Variants in BABAM2 observed in about 807,000 individuals in gnomAD.
The protein encoded by BABAM2 is BRISC and BRCA1-A complex member 2.
A neutral mutation model predicts 54.7 loss-of-function variants in BABAM2; 31 were observed. That is an observed-to-expected ratio of 0.57 (90% CI 0.43 to 0.77). The LOEUF (loss-of-function observed/expected upper bound fraction) is 0.77, where lower values mean the gene tolerates loss of function less well. BABAM2 is among the 30% of genes least tolerant of loss of function. BABAM2 has a pLI of 0.00. For synonymous variants in BABAM2, 167 were observed against 162.9 expected (o/e 1.03, Z -0.19); for missense variants, 364 against 455.8 (o/e 0.80, Z 1.83).
At chr2:28,247,874 C>T (rs2148088359) in intron 10 of BABAM2, among the ~76,000 whole-genome samples, 1 of 152,324 alleles carries the variant, frequency 6.6e-6, no homozygotes, top group Admixed American at 6.5e-5. Flanking sequence ...AAAAGCATTG[C>T]ACAGATTCTG....
In BABAM2 at chr2:28,090,657, G is replaced by A. The variant is rs192180670; in HGVS notation, c.571-38614G>A. On this transcript the variant is annotated intron_variant, in intron 6 of 11. Transcript: ENST00000379624. The stretch of plus-strand genomic sequence containing the variant: ...TGCTTCTAGCTTAGGGTCATTCCCC[G>A]GGGATTATTATACTTCTTTAAGATC... Among the ~76,000 whole-genome samples the A allele has an allele frequency of 1.3e-3, 200 of 152,202 alleles. 2 individuals are homozygous for A. The highest frequency in any genetic ancestry group is 7.8e-4 in the Non-Finnish European group (53 of 68,016).
At chr2:28,140,518 A>G (rs1278223758) in intron 7 of BABAM2, among the ~76,000 whole-genome samples, 1 of 152,218 alleles carries the variant, frequency 6.6e-6, no homozygotes. Flanking sequence ...TATCACAAAG[A>G]GTAAATTTTA....
intron 4 of BABAM2, among the ~76,000 whole-genome samples, chr2:28,002,203 T>C (rs1343406606): frequency 1.3e-5 from 2 of 152,206 alleles, no homozygotes; most frequent in East Asian, 3.8e-4. Flanking sequence ...ATATTACTCT[T>C]AGGCTCTTCC....
intron 7 of BABAM2, among the ~76,000 whole-genome samples, chr2:28,182,129 C>T (rs1264200629): frequency 6.6e-6 from 1 of 152,076 alleles, no homozygotes; most frequent in African/African-American, 2.4e-5. Flanking sequence ...CATGTAGGGC[C>T]TTACAGGCCG....
chr2:27,921,598 A>G lies in BABAM2; in HGVS notation c.129-8234A>G, dbSNP rs181359777. On this transcript the variant is annotated intron_variant, in intron 2 of 11. Transcript: ENST00000379624. ...TCACTAGCAAGTTACATAAGCATCT[A>G]CGTGCCTCAGTGCCCTCATCTGTAA... is the stretch of plus-strand genomic sequence containing the variant. 4.1e-4 allele frequency among the ~76,000 whole-genome samples: 62 copies of G among 152,302 alleles called. No individual in the cohort carries two copies. The East Asian group carries it at 7.5e-3, about 18-fold the overall frequency.
intron 8 of BABAM2, among the ~76,000 whole-genome samples, chr2:28,240,137 T>C (rs1281979121): frequency 6.6e-6 from 1 of 151,986 alleles, no homozygotes; most frequent in Non-Finnish European, 1.5e-5. Flanking sequence ...GATAAGATCT[T>C]GCTCTTTTAA....
intron 2 of BABAM2, among the ~76,000 whole-genome samples, chr2:27,919,683 T>C (rs1036705245): frequency 1.8e-4 from 27 of 152,196 alleles, no homozygotes; most frequent in African/African-American, 6.0e-4. Context: ...ATTAATAAGC[T>C]AAGCATCTAT....
At chr2:28,075,554 G>T (rs1664579902) in intron 6 of BABAM2, among the ~76,000 whole-genome samples, 2 of 149,598 alleles carry the variant, frequency 1.3e-5, no homozygotes, top group Non-Finnish European at 2.9e-5. Flanking sequence ...CTCTTTCTCT[G>T]TGCATGTGTG....
At chr2:28,139,131 T>A (rs1670803065) in intron 7 of BABAM2, among the ~76,000 whole-genome samples, 1 of 151,848 alleles carries the variant, frequency 6.6e-6, no homozygotes, top group Non-Finnish European at 1.5e-5. Flanking sequence ...TAACTATGTT[T>A]AAACATTTTT....
chr2:28,305,943 T>C (rs1282339432), intron 11 of BABAM2, among the ~76,000 whole-genome samples: 1 of 152,186 alleles, frequency 6.6e-6, no homozygotes, highest in African/African-American at 2.4e-5. Flanking sequence ...TATTATTTTA[T>C]TAGAAATATT....
chr2:28,003,805 G>A (rs1197596274), intron 4 of BABAM2, among the ~76,000 whole-genome samples: 1 of 152,096 alleles, frequency 6.6e-6, no homozygotes, highest in Non-Finnish European at 1.5e-5. Context: ...AGTAATATTT[G>A]AATGTAAAAA....
At chr2:27,932,111 T>G (rs780304857) in intron 3 of BABAM2, among the ~76,000 whole-genome samples, 8 of 152,194 alleles carry the variant, frequency 5.3e-5, no homozygotes, top group Non-Finnish European at 1.2e-4. Flanking sequence ...AATGATTTCT[T>G]GATAAACAGG....
intron 7 of BABAM2, among the ~76,000 whole-genome samples, chr2:28,216,760 A>G (rs932969777): frequency 1.3e-5 from 2 of 152,180 alleles, no homozygotes; most frequent in African/African-American, 2.4e-5. Context: ...ATAAAACCCT[A>G]TCGTGGATGT....
At chr2:28,171,150 C>G (rs1343844459) in intron 7 of BABAM2, among the ~76,000 whole-genome samples, 1 of 151,656 alleles carries the variant, frequency 6.6e-6, no homozygotes, top group Non-Finnish European at 1.5e-5. Context: ...TGTACCATAT[C>G]AGTCCATATA....
At chr2:27,923,232 A>G (rs760080519) in intron 2 of BABAM2, among the ~76,000 whole-genome samples, 23 of 152,244 alleles carry the variant, frequency 1.5e-4, no homozygotes, top group Non-Finnish European at 3.1e-4. Context: ...TCCTTCTGAG[A>G]AGGAGTGAAG....
At chr2:28,042,131 T>C (rs1677147078) in intron 5 of BABAM2, among the ~76,000 whole-genome samples, 1 of 152,212 alleles carries the variant, frequency 6.6e-6, no homozygotes, top group African/African-American at 2.4e-5. Context: ...TCTAGGTTTT[T>C]GGCCTGCGTG....
intron 7 of BABAM2, among the ~76,000 whole-genome samples, chr2:28,143,486 G>A (rs993701891): frequency 1.3e-5 from 2 of 152,112 alleles, no homozygotes; most frequent in African/African-American, 4.8e-5. Flanking sequence ...TTTGCTAAGA[G>A]AGTAGATTTT....
chr2:27,921,008 T>C (rs1667305254), intron 2 of BABAM2, among the ~76,000 whole-genome samples: 1 of 152,246 alleles, frequency 6.6e-6, no homozygotes, highest in Non-Finnish European at 1.5e-5. Flanking sequence ...TAAAGTATAG[T>C]AAAATTTGCC....
At chr2:27,989,682 G>T (rs1672646213) in intron 4 of BABAM2, among the ~76,000 whole-genome samples, 1 of 152,124 alleles carries the variant, frequency 6.6e-6, no homozygotes, top group African/African-American at 2.4e-5. Flanking sequence ...AGAGATCGAA[G>T]ACCAGAATTG....
Sources: allele counts gnomAD v4.1 joint callset (sites outside exome capture counted in the v4.1 genomes callset), GRCh38; gene constraint gnomAD v4.1.1; transcripts MANE v1.5; gene names NCBI Gene and HGNC (gene_info 2026-07-23, HGNC 2026-07-21).